FBLN2: variants seen among roughly 807,000 people sequenced by gnomAD.
FBLN2 encodes fibulin-2.
Under a neutral mutation model 123.7 loss-of-function variants are expected in FBLN2, and 81 were observed. That is an observed-to-expected ratio of 0.65 (90% CI 0.55 to 0.79). The LOEUF is 0.79. Ranked by LOEUF, FBLN2 falls within the 30% of genes least tolerant of loss-of-function variation. The pLI is 0.00. For synonymous variants in FBLN2, 699 were observed against 701.4 expected (o/e 1.00, Z 0.05); for missense variants, 1,603 against 1,681.3 (o/e 0.95, Z 0.81).
rs748718491 is a variant in FBLN2, at chr3:13,629,926, G to T, written c.2949G>T (p.Ala983=). The T allele has an allele frequency of 6.2e-7, 1 of 1,610,370 alleles. No homozygotes were observed. The highest frequency in any genetic ancestry group is 2.2e-5 in the East Asian group (1 of 44,820). Reference sequence around the variant, plus strand: ...GCGCCTCCGGGTTCCTGCTAGCAGCGGACGGCAAGCGCTGTGAAGGTAGGC... The same window carrying T: ...GCGCCTCCGGGTTCCTGCTAGCAGCTGACGGCAAGCGCTGTGAAGGTAGGC... ...CSCASGFLLA[A]DGKRCEDVNE... is the part of the protein sequence containing the mutation. The change falls in exon 14 of 18, where the codon GCG becomes GCT. Residue 983 remains alanine, a synonymous_variant. Transcript: ENST00000404922.
intron 15 of FBLN2, 99 bp downstream of exon 15, chr3:13,630,914 GT>G: frequency 2.2e-6 from 2 of 923,592 alleles, no homozygotes; most frequent in Non-Finnish European, 3.3e-6. Context: ...ACACAGAAAG[GT>G]TTTAGCATCA....
At chr3:13,628,147 G>A (rs1307486155) in intron 11 of FBLN2, among the ~76,000 whole-genome samples, 178 bp downstream of exon 11, 1 of 152,222 alleles carries the variant, frequency 6.6e-6, no homozygotes, top group Non-Finnish European at 1.5e-5. Flanking sequence ...GGGCACCACT[G>A]TCCCCAAAGT....
chr3:13,606,648 T>G (rs2124877257), intron 2 of FBLN2, among the ~76,000 whole-genome samples: 1 of 143,192 alleles, frequency 7.0e-6, no homozygotes, highest in East Asian at 2.0e-4. Context: ...TTATATATAT[T>G]ATATACTGTA....
chr3:13,631,636 C>T (rs996647372), intron 16 of FBLN2, among the ~76,000 whole-genome samples, 179 bp downstream of exon 16: 2 of 152,204 alleles, frequency 1.3e-5, no homozygotes, highest in Admixed American at 6.5e-5. Flanking sequence ...GGATGAAGAA[C>T]GTGACAGTCT....
intron 16 of FBLN2, among the ~76,000 whole-genome samples, chr3:13,635,583 G>C (rs1008830168): frequency 6.6e-6 from 1 of 152,210 alleles, no homozygotes; most frequent in Non-Finnish European, 1.5e-5. Flanking sequence ...GTGCCTGTTG[G>C]AGTTGCACAT....
chr3:13,554,683 T>C (rs952648232), intron 1 of FBLN2, among the ~76,000 whole-genome samples: 7 of 152,148 alleles, frequency 4.6e-5, no homozygotes, highest in Non-Finnish European at 2.9e-5. Flanking sequence ...AACAAATTAA[T>C]TTCACCGTTT....
intron 1 of FBLN2, among the ~76,000 whole-genome samples, chr3:13,565,887 G>C (rs1703733412): frequency 6.6e-6 from 1 of 152,234 alleles, no homozygotes; most frequent in Non-Finnish European, 1.5e-5. Context: ...CATGGGTACT[G>C]CCTTGCAAAG....
intron 1 of FBLN2, among the ~76,000 whole-genome samples, chr3:13,549,974 C>CA (rs1293917881): frequency 1.3e-5 from 2 of 152,352 alleles, no homozygotes; most frequent in East Asian, 3.9e-4. Flanking sequence ...GACACGCACA[C>CA]ACGTCCGCCA....
chr3:13,620,259 G>A (rs1373264410), intron 8 of FBLN2, among the ~76,000 whole-genome samples: 1 of 152,184 alleles, frequency 6.6e-6, no homozygotes, highest in Non-Finnish European at 1.5e-5. Flanking sequence ...TACGGATGCT[G>A]CTGGTCCGCG....
Position 13,630,719 on chromosome 3 carries a change from C to T in FBLN2, c.2989C>T (p.Gln997Ter). The change falls in exon 15 of 18, where the codon CAG becomes TAG. Residue 997 changes from glutamine (Q) to a stop codon, truncating the protein, a stop_gained. Transcript: ENST00000404922. LOFTEE classifies it high-confidence loss of function. Reference protein sequence around the residue: ...RCEDVNECEAQRCSQECANIY... With the variant: ...RCEDVNECEA Reference sequence around the variant, plus strand: ...TGCAGACGTGAATGAGTGTGAGGCCCAGCGCTGCAGCCAGGAGTGTGCCAA... The same window carrying T: ...TGCAGACGTGAATGAGTGTGAGGCCTAGCGCTGCAGCCAGGAGTGTGCCAA... 2.5e-6 allele frequency: 4 copies of T among 1,607,514 alleles called. No individual in the cohort carries two copies. Among genetic ancestry groups the T allele is most frequent in the Non-Finnish European group, 3.4e-6 (4 of 1,177,326 alleles).
At chr3:13,571,717 G>C in intron 2 of FBLN2, 56 bp downstream of exon 2, 1 of 1,467,916 alleles carries the variant, frequency 6.8e-7, no homozygotes, top group African/African-American at 1.4e-5. Context: ...GCAGCCTTGG[G>C]CTCTGGCCGC....
intron 2 of FBLN2, among the ~76,000 whole-genome samples, chr3:13,588,724 G>A (rs1704582991): frequency 6.6e-6 from 1 of 152,202 alleles, no homozygotes; most frequent in Non-Finnish European, 1.5e-5. Flanking sequence ...TTTATATTAT[G>A]TGATATTTTT....
intron 4 of FBLN2, among the ~76,000 whole-genome samples, chr3:13,612,341 T>TTCTTTCTTTCTTTCTC (rs1169547674): frequency 3.0e-5 from 2 of 67,384 alleles, no homozygotes; most frequent in African/African-American, 2.5e-4. Flanking sequence ...CTTTCTTTCT[T>TTCTTTCTTTCTTTCTC]TTCTTTCTTT....
chr3:13,612,291 TTTCC>T (rs1281885439), intron 4 of FBLN2, among the ~76,000 whole-genome samples: 13 of 78,944 alleles, frequency 1.6e-4, no homozygotes, highest in Non-Finnish European at 2.9e-4. Flanking sequence ...TTTCTTTTAT[TTTCC>T]TTTCTTTCTT....
chr3:13,582,346 A>G (rs924048562), intron 2 of FBLN2, among the ~76,000 whole-genome samples: 1 of 152,114 alleles, frequency 6.6e-6, no homozygotes, highest in Non-Finnish European at 1.5e-5. Context: ...GGAGTTCAGG[A>G]TCTGTGCTGC....
At chr3:13,560,472 C>T (rs116830420) in intron 1 of FBLN2, among the ~76,000 whole-genome samples, 2,625 of 152,156 alleles carry the variant, frequency 0.017, 88 homozygotes, top group African/African-American at 0.06. Context: ...CCCTCCTCCT[C>T]CTTGGGGTCT....
At chr3:13,556,664 G>GGTCACACAGGCC (rs1703472611) in intron 1 of FBLN2, among the ~76,000 whole-genome samples, 1 of 152,238 alleles carries the variant, frequency 6.6e-6, no homozygotes, top group African/African-American at 2.4e-5. Flanking sequence ...CTGTGCATGG[G>GGTCACACAGGCC]ATGGGAGGAG....
chr3:13,564,519 G>A (rs114297073), intron 1 of FBLN2, among the ~76,000 whole-genome samples: 1,590 of 152,334 alleles, frequency 0.01, 29 homozygotes, highest in African/African-American at 0.036. Flanking sequence ...ACAGATGTGT[G>A]CCAAATACTG....
intron 17 of FBLN2, 138 bp from the exon 18 acceptor site, chr3:13,637,424 G>A: frequency 1.4e-6 from 1 of 725,152 alleles, no homozygotes. Flanking sequence ...GGGACGTAAG[G>A]GGACTTGCCT....
Sources: allele counts gnomAD v4.1 joint callset (sites outside exome capture counted in the v4.1 genomes callset), GRCh38; gene constraint gnomAD v4.1.1; transcripts MANE v1.5; gene names NCBI Gene and HGNC (gene_info 2026-07-23, HGNC 2026-07-21).